NLN: variants seen among roughly 807,000 people sequenced by gnomAD.
The protein encoded by NLN is neurolysin.
NLN carries 64 observed loss-of-function variants against 79.9 expected under a neutral mutation model. That is an observed-to-expected ratio of 0.80 (90% confidence interval 0.65 to 0.99). NLN has a LOEUF of 0.99. NLN is among the 50% of genes least tolerant of loss of function. NLN has a pLI of 0.00. For synonymous variants in NLN, 267 were observed against 296.6 expected, an observed-to-expected ratio of 0.90 and a Z score of 1.02; for missense variants, 835 against 858.7, an observed-to-expected ratio of 0.97 and a Z score of 0.34.
At chr5:65,731,430 A>G (rs1758604871) in intron 1 of NLN, among the ~76,000 whole-genome samples, 2 of 152,236 alleles carry the variant, frequency 1.3e-5, no homozygotes, top group African/African-American at 4.8e-5. Context: ...ACATCGGCAC[A>G]TAATAAAATC....
At position 65,758,772 on chromosome 5, in the gene NLN, G is replaced by T. The variant is rs1488146382; in HGVS notation, c.247G>T (p.Val83Leu). 6 of 1,613,832 alleles carry T rather than the reference G, an allele frequency of 3.7e-6. No individual in the cohort carries two copies. Among genetic ancestry groups the T allele is most frequent in the Non-Finnish European group, 5.1e-6 (6 of 1,179,772 alleles). The change falls in exon 2 of 13, where the codon GTA becomes TTA. Residue 83 changes from valine (V) to leucine (L), a missense_variant. Coordinates refer to ENST00000380985, the MANE Select transcript of NLN (RefSeq NM_020726.5). The part of the protein sequence containing the change: ...DAVGMLGIEE[V>L]TYENCLQALA... The stretch of plus-strand genomic sequence containing the variant: ...TGTTGGAATGCTCGGTATTGAGGAA[G>T]TAACTTACGAGAACTGTCTGCAGGC...
chr5:65,809,509 T>A lies in NLN; in HGVS notation c.1528-6T>A. 1 of 1,587,680 alleles carries A rather than the reference T, an allele frequency of 6.3e-7. No homozygotes were observed. The highest frequency in any genetic ancestry group is 1.2e-5 in the South Asian group (1 of 86,452). On this transcript the variant is annotated splice_polypyrimidine_tract_variant and splice_region_variant and intron_variant, in intron 9 of 12. Transcript: ENST00000380985. ...TTTAAAAAAATTCTCTGTGTTTGCTTTCTAGACTGATTTTGCACGATTTAG... is the reference window on the plus strand; with the variant it reads ...TTTAAAAAAATTCTCTGTGTTTGCTATCTAGACTGATTTTGCACGATTTAG...
At chr5:65,816,675 A>G (rs1160219029) in intron 12 of NLN, among the ~76,000 whole-genome samples, 2 of 152,240 alleles carry the variant, frequency 1.3e-5, no homozygotes, top group African/African-American at 4.8e-5. Flanking sequence ...AACTCGGTGC[A>G]TTTGCTTTAG....
At chr5:65,770,905 T>C (rs1759552718) in intron 3 of NLN, among the ~76,000 whole-genome samples, 1 of 152,178 alleles carries the variant, frequency 6.6e-6, no homozygotes. Flanking sequence ...TATGATACTT[T>C]ATAAAGCTCG....
chr5:65,790,484 T>G (rs1760030658), intron 8 of NLN, among the ~76,000 whole-genome samples: 1 of 152,172 alleles, frequency 6.6e-6, no homozygotes, highest in African/African-American at 2.4e-5. Context: ...CACATCCTTC[T>G]TCACGTGGCG....
rs757885244 is a variant in NLN, at chr5:65,801,136, TA to T, written c.1528-8378del. Among the ~76,000 whole-genome samples the T allele has an allele frequency of 6.2e-4, 95 of 152,342 alleles. 2 individuals carry two copies. Among genetic ancestry groups the T allele is most frequent in the Non-Finnish European group, 1.9e-4 (13 of 68,026 alleles). ...CCCTAAAACTCTTTGAAGTGTCAGCTACAAAAAATATTTGTTAATTGGATTA... is the reference window on the plus strand; with the variant it reads ...CCCTAAAACTCTTTGAAGTGTCAGCTCAAAAAATATTTGTTAATTGGATTA... On this transcript the variant is annotated intron_variant, in intron 9 of 12. Transcript: ENST00000380985.
chr5:65,798,562 T>A (rs1455218633), intron 9 of NLN, among the ~76,000 whole-genome samples: 1 of 152,238 alleles, frequency 6.6e-6, no homozygotes, highest in Non-Finnish European at 1.5e-5. Context: ...GAACTCCCTA[T>A]CATCAGCTTT....
Position 65,828,232 on chromosome 5 carries a change from G to C in NLN, c.*5317G>C, listed in dbSNP as rs1210923363. The C allele has an allele frequency of 2.0e-5, 3 of 152,156 alleles. No homozygotes were observed. Among genetic ancestry groups the C allele is most frequent in the Non-Finnish European group, 4.4e-5 (3 of 68,084 alleles). 9.4% of individuals were successfully genotyped at this position (152,156 alleles called of 1,614,324 possible). A position where few individuals can be genotyped will look rare whatever the true frequency, so the allele number is the denominator to read the frequency against. Reference sequence around the variant, plus strand: ...AGGGGGACGGGAGGCGAGAACTAAGGCTTTTTAAGAATGTGTTGATGGAAG... The same window carrying C: ...AGGGGGACGGGAGGCGAGAACTAAGCCTTTTTAAGAATGTGTTGATGGAAG... On this transcript the variant is annotated 3_prime_UTR_variant, in exon 13 of 13. Transcript: ENST00000380985.
chr5:65,722,559 C>G (rs918094790), intron 1 of NLN, 145 bp downstream of exon 1: 1 of 723,304 alleles, frequency 1.4e-6, no homozygotes. Context: ...GCAAGGTGGA[C>G]CCCTGGGGGA....
intron 12 of NLN, chr5:65,818,941 A>G (rs1264196712): frequency 6.6e-6 from 1 of 152,174 alleles, no homozygotes; most frequent in Non-Finnish European, 1.5e-5. Context: ...TTTCCCATTT[A>G]TATATTCTCA....
intron 3 of NLN, among the ~76,000 whole-genome samples, chr5:65,767,477 G>C (rs748037568): frequency 6.6e-6 from 1 of 152,176 alleles, no homozygotes; most frequent in Non-Finnish European, 1.5e-5. Context: ...GGGAAGGAGG[G>C]GGGAGCACAA....
intron 3 of NLN, among the ~76,000 whole-genome samples, chr5:65,770,247 A>G (rs898946440): frequency 6.6e-6 from 1 of 152,244 alleles, no homozygotes; most frequent in African/African-American, 2.4e-5. Flanking sequence ...AAGTGAAAAG[A>G]GTTCAAATAC....
rs545575838 is a variant in NLN, at chr5:65,787,279, C to A, written c.959-839C>A. ...ATGTGTGTGTGTGTGTGTGTGTATACATACATGCGCACACACAGACACATG... is the reference window on the plus strand; with the variant it reads ...ATGTGTGTGTGTGTGTGTGTGTATAAATACATGCGCACACACAGACACATG... On this transcript the variant is annotated intron_variant, in intron 7 of 12. Transcript: ENST00000380985. Among the ~76,000 whole-genome samples the A allele has an allele frequency of 1.0e-4, 15 of 148,720 alleles. No homozygotes were observed. In the South Asian group the frequency reaches 3.2e-3, roughly 31 times the overall value.
chr5:65,801,418 T>C (rs913875918), intron 9 of NLN, among the ~76,000 whole-genome samples: 1 of 152,234 alleles, frequency 6.6e-6, no homozygotes, highest in Non-Finnish European at 1.5e-5. Context: ...GTCTTACCCA[T>C]GGTTTCTGTG....
intron 6 of NLN, among the ~76,000 whole-genome samples, chr5:65,784,616 A>G (rs1300038445): frequency 6.6e-6 from 1 of 152,210 alleles, no homozygotes; most frequent in African/African-American, 2.4e-5. Flanking sequence ...TTCATTGGTC[A>G]ATTCCCAAAA....
intron 6 of NLN, among the ~76,000 whole-genome samples, chr5:65,784,382 T>C (rs2150759104): frequency 6.6e-6 from 1 of 152,342 alleles, no homozygotes. Context: ...CAGAATTTTA[T>C]GGTGCCTTAG....
chr5:65,798,456 G>A (rs954099534), intron 9 of NLN, among the ~76,000 whole-genome samples: 3 of 152,188 alleles, frequency 2.0e-5, no homozygotes, highest in Non-Finnish European at 4.4e-5. Flanking sequence ...CTCTAATAAT[G>A]TAGAATGAAT....
At chr5:65,723,956 T>A (rs1758392696) in intron 1 of NLN, among the ~76,000 whole-genome samples, 1 of 151,428 alleles carries the variant, frequency 6.6e-6, no homozygotes, top group African/African-American at 2.4e-5. Context: ...ACATTAAAGC[T>A]GGAAAAAAAT....
intron 3 of NLN, among the ~76,000 whole-genome samples, chr5:65,767,532 G>A (rs1050837096): frequency 5.9e-5 from 9 of 152,178 alleles, no homozygotes; most frequent in Non-Finnish European, 8.8e-5. Flanking sequence ...GATGGGAGGG[G>A]CTGTTGTGAA....
Sources: gnomAD v4.1 joint callset for allele counts (sites outside exome capture counted in the v4.1 genomes callset) on GRCh38, gnomAD v4.1.1 for gene constraint, MANE v1.5 for transcripts, NCBI Gene and HGNC (gene_info 2026-07-23, HGNC 2026-07-21) for gene names.